Variants in EPC2 observed in about 807,000 individuals in gnomAD.
The protein encoded by EPC2 is enhancer of polycomb 2.
Under a neutral mutation model 92.1 loss-of-function variants are expected in EPC2, and 14 were observed. The observed-to-expected ratio is 0.15, with a 90% CI of 0.10 to 0.24. EPC2 has a LOEUF of 0.24. Among genes scored for constraint, EPC2 ranks in the 10% least tolerant of loss-of-function variants. The pLI is 1.00. For missense variants in EPC2, 755 were observed against 971.5 expected, an observed-to-expected ratio of 0.78 and a Z score of 2.96; for synonymous variants, 340 against 334.7, an observed-to-expected ratio of 1.02 and a Z score of -0.17.
intron 2 of EPC2, chr2:148,691,570 C>A (rs1370502269): frequency 1.9e-6 from 3 of 1,550,384 alleles, no homozygotes; most frequent in African/African-American, 2.7e-5. Context: ...TGCTGTTGTT[C>A]AGGATTGAAG....
chr2:148,681,624 C>T (rs13009006), intron 1 of EPC2, among the ~76,000 whole-genome samples: 33,687 of 151,164 alleles, frequency 0.22, 4,541 homozygotes, highest in East Asian at 0.51. Flanking sequence ...TTTTCTTTTC[C>T]GTAAAAAAAA....
In EPC2 at chr2:148,783,755, A is replaced by G; in HGVS notation, c.2016A>G (p.Ser672=). The stretch of plus-strand genomic sequence containing the variant: ...ACATAAACGGTGTTGTCCAGCCTTC[A>G]GGTACAGCTGGGGTTTCACATGGTA... The part of the protein sequence containing the change: ...HNNINGVVQP[S]GTSKTLYSTN... Residue 672 remains serine, a splice_region_variant and synonymous_variant, in exon 12 of 14, where the codon TCA becomes TCG. Transcript: ENST00000258484. The G allele has an allele frequency of 1.9e-6, 3 of 1,588,428 alleles. No individual in the cohort carries two copies. Among genetic ancestry groups the G allele is most frequent in the Non-Finnish European group, 2.6e-6 (3 of 1,166,188 alleles).
chr2:148,726,632 A>C (rs1682499780), intron 2 of EPC2, among the ~76,000 whole-genome samples: 1 of 151,662 alleles, frequency 6.6e-6, no homozygotes, highest in South Asian at 2.1e-4. Context: ...TTAATACTTA[A>C]AGAATTTTTT....
At chr2:148,775,615 T>A (rs1683617080) in intron 10 of EPC2, among the ~76,000 whole-genome samples, 1 of 90,120 alleles carries the variant, frequency 1.1e-5, no homozygotes, top group South Asian at 3.3e-4. Flanking sequence ...AAATATTTAA[T>A]TATTTAAATT....
chr2:148,658,776 T>C (rs1680870500), intron 1 of EPC2, among the ~76,000 whole-genome samples: 1 of 151,756 alleles, frequency 6.6e-6, no homozygotes, highest in African/African-American at 2.4e-5. Context: ...TATATATTAC[T>C]TACTACTTAT....
At chr2:148,738,344 T>G (rs1392003344) in intron 2 of EPC2, among the ~76,000 whole-genome samples, 3 of 152,202 alleles carry the variant, frequency 2.0e-5, no homozygotes, top group Non-Finnish European at 4.4e-5. Context: ...GTGTCACCTG[T>G]CAAACATGGC....
At chr2:148,686,026 T>G (rs1051955808) in intron 1 of EPC2, among the ~76,000 whole-genome samples, 10 of 152,332 alleles carry the variant, frequency 6.6e-5, no homozygotes, top group Admixed American at 2.0e-4. Context: ...TTTCTTATAA[T>G]AAGACAATAG....
rs771171872 is a variant in EPC2, at chr2:148,786,314, C to T, written c.2361C>T (p.His787=). The T allele has an allele frequency of 2.0e-5, 33 of 1,611,322 alleles. No homozygotes were observed. The highest frequency in any genetic ancestry group is 1.6e-4 in the Middle Eastern group (1 of 6,078). The change falls in exon 14 of 14, where the codon CAC becomes CAT. Residue 787 remains histidine, a synonymous_variant. Transcript: ENST00000258484. ...TGCCTTATTACCATAGAGAGAACCA[C>T]GAACCAGAAAGATTGGGCTTAAATG... ...SAISSIAREN[H]EPERLGLNGI...
chr2:148,714,574 G>A (rs1682219133), intron 2 of EPC2, among the ~76,000 whole-genome samples: 1 of 152,150 alleles, frequency 6.6e-6, no homozygotes, highest in Admixed American at 6.5e-5. Context: ...GCCAGCATCT[G>A]TTGTTTTTTG....
In EPC2 at chr2:148,762,805, G is replaced by A. The variant is rs756397091; in HGVS notation, c.948+3G>A. On this transcript the variant is annotated splice_donor_region_variant and intron_variant, in intron 6 of 13. Transcript: ENST00000258484. ...AAGTTCAAGAATGTAAAACTAAGGTGAATATTGTCTGGGAAGAAGCATGTA... is the reference window on the plus strand; with the variant it reads ...AAGTTCAAGAATGTAAAACTAAGGTAAATATTGTCTGGGAAGAAGCATGTA... The A allele has an allele frequency of 5.0e-6, 8 of 1,598,866 alleles. No individual in the cohort carries two copies. The highest frequency in any genetic ancestry group is 6.0e-6 in the Non-Finnish European group (7 of 1,174,748).
intron 2 of EPC2, among the ~76,000 whole-genome samples, chr2:148,719,654 G>A (rs935455239): frequency 6.6e-5 from 10 of 152,180 alleles, no homozygotes; most frequent in Admixed American, 2.6e-4. Context: ...ACCTGAACAC[G>A]CCTGTAGGGG....
At chr2:148,677,687 T>C (rs1358098547) in intron 1 of EPC2, among the ~76,000 whole-genome samples, 2 of 152,260 alleles carry the variant, frequency 1.3e-5, no homozygotes, top group South Asian at 4.1e-4. Flanking sequence ...GTCCAGAGTT[T>C]GTTCCTTCTG....
intron 4 of EPC2, among the ~76,000 whole-genome samples, chr2:148,759,087 T>C (rs1047499800): frequency 6.6e-6 from 1 of 152,134 alleles, no homozygotes; most frequent in Non-Finnish European, 1.5e-5. Context: ...AAAAAATGTA[T>C]TGTTATTATT....
chr2:148,678,487 GC>G (rs1453878746), intron 1 of EPC2, among the ~76,000 whole-genome samples: 1 of 152,240 alleles, frequency 6.6e-6, no homozygotes, highest in African/African-American at 2.4e-5. Context: ...CTGCGCAGGA[GC>G]CCATGGAGGG....
chr2:148,691,342 C>T (rs1426514478), intron 2 of EPC2, among the ~76,000 whole-genome samples: 1 of 152,102 alleles, frequency 6.6e-6, no homozygotes, highest in Non-Finnish European at 1.5e-5. Context: ...AATAGAGATC[C>T]CAAGGCTCAA....
Position 148,764,989 on chromosome 2 carries a change from C to T in EPC2, c.983C>T (p.Ser328Phe), listed in dbSNP as rs1683380741. Reference protein sequence around the residue: ...PHHLSLKEEASDVVRQKKKYP... With the variant: ...PHHLSLKEEAFDVVRQKKKYP... Reference sequence around the variant, plus strand: ...CATTTGTCTTTGAAAGAAGAGGCTTCTGATGTGGTTCGTCAAAAGAAGAAG... The same window carrying T: ...CATTTGTCTTTGAAAGAAGAGGCTTTTGATGTGGTTCGTCAAAAGAAGAAG... Residue 328 changes from serine to phenylalanine, a missense_variant, in exon 7 of 14, where the codon TCT becomes TTT. Ser to Phe is a radical substitution (Grantham distance 155). Around this residue, in one of 4 missense-constraint regions of EPC2, gnomAD observed 509 missense variants for 607.7 expected, o/e 0.84. Coordinates refer to ENST00000258484, the MANE Select transcript of EPC2 (RefSeq NM_015630.4). The T allele has an allele frequency of 6.3e-7, 1 of 1,598,446 alleles. No homozygotes were observed.
chr2:148,776,000 C>G (rs1311305244), intron 10 of EPC2, among the ~76,000 whole-genome samples: 1 of 151,866 alleles, frequency 6.6e-6, no homozygotes, highest in African/African-American at 2.4e-5. Flanking sequence ...CCAGGATGGT[C>G]TCGATCTCCT....
intron 1 of EPC2, chr2:148,645,423 G>C (rs1032949796): frequency 2.4e-6 from 1 of 423,796 alleles, no homozygotes; most frequent in Admixed American, 4.5e-5. Context: ...AGGGGGCCTT[G>C]CCGTAAGCGG....
rs184794253 is a variant in EPC2, at chr2:148,728,629, C to T, written c.314-14993C>T. On this transcript the variant is annotated intron_variant, in intron 2 of 13. Coordinates refer to ENST00000258484, the MANE Select transcript of EPC2 (RefSeq NM_015630.4). Reference sequence around the variant, plus strand: ...TCTGTAGTCCCAGCTATTTGGGAGGCTGAGGTGGGAGGATCACTTGAGCCT... The same window carrying T: ...TCTGTAGTCCCAGCTATTTGGGAGGTTGAGGTGGGAGGATCACTTGAGCCT... Among the ~76,000 whole-genome samples the T allele has an allele frequency of 1.5e-3, 226 of 151,760 alleles. 1 individual carries two copies. The highest frequency in any genetic ancestry group is 5.6e-3 in the South Asian group (27 of 4,794).
Sources: gnomAD v4.1 joint callset for allele counts (sites outside exome capture counted in the v4.1 genomes callset) on GRCh38, gnomAD v4.1.1 for gene constraint, gnomAD v4.1.1 regional missense constraint, MANE v1.5 for transcripts, NCBI Gene and HGNC (gene_info 2026-07-23, HGNC 2026-07-21) for gene names.